Variants in FAM149B1 observed in about 807,000 individuals in gnomAD.
The protein encoded by FAM149B1 is family with sequence similarity 149 member B1, also known as primary cilium assembly protein FAM149B1.
A neutral mutation model predicts 75.3 loss-of-function variants in FAM149B1; 56 were observed. The observed-to-expected ratio is 0.74, with a 90% CI of 0.60 to 0.93. The LOEUF (loss-of-function observed/expected upper bound fraction) is 0.93, where lower values mean the gene tolerates loss of function less well. FAM149B1 is among the 40% of genes least tolerant of loss of function. The pLI is 0.00. For missense variants in FAM149B1, 639 were observed against 708.4 expected, an observed-to-expected ratio of 0.90 and a Z score of 1.11; for synonymous variants, 259 against 256.1, an observed-to-expected ratio of 1.01 and a Z score of -0.11.
chr10:73,202,294 T>TAGC (rs113036417), intron 5 of FAM149B1, among the ~76,000 whole-genome samples: 23,383 of 152,128 alleles, frequency 0.15, 2,931 homozygotes, highest in African/African-American at 0.32. Flanking sequence ...TTTCTTTTAA[T>TAGC]AGTTATAAAG....
chr10:73,227,572 C>T (rs561501443), intron 7 of FAM149B1, among the ~76,000 whole-genome samples: 1 of 152,242 alleles, frequency 6.6e-6, no homozygotes, highest in African/African-American at 2.4e-5. Flanking sequence ...TTTCTAATCT[C>T]ATAACTTTAC....
intron 12 of FAM149B1, among the ~76,000 whole-genome samples, chr10:73,236,580 A>G (rs562778743): frequency 1.3e-4 from 20 of 151,564 alleles, no homozygotes; most frequent in Non-Finnish European, 2.7e-4. Context: ...CGCCCAGCTA[A>G]TTTTTGTAAT....
At chr10:73,237,702 G>GT (rs1564718821) in intron 12 of FAM149B1, among the ~76,000 whole-genome samples, 3 of 152,096 alleles carry the variant, frequency 2.0e-5, no homozygotes, top group African/African-American at 7.2e-5. Context: ...GATTACAGGC[G>GT]TGAGCCACCG....
intron 3 of FAM149B1, among the ~76,000 whole-genome samples, chr10:73,182,755 G>T (rs1432679538): frequency 6.6e-6 from 1 of 152,200 alleles, no homozygotes; most frequent in African/African-American, 2.4e-5. Context: ...TCTGACTAAG[G>T]CCTCAGATAT....
Position 73,243,989 on chromosome 10 carries a change from T to C in FAM149B1, c.*2970T>C. ...CAGGAAATGCTTAAAATACATACTCTTTCCCAAAAGCAAATCTATAATTCT... is the reference window on the plus strand; with the variant it reads ...CAGGAAATGCTTAAAATACATACTCCTTCCCAAAAGCAAATCTATAATTCT... On this transcript the variant is annotated 3_prime_UTR_variant, in exon 14 of 14. Transcript: ENST00000242505. 1 of 1,384,018 alleles carries C rather than the reference T, an allele frequency of 7.2e-7. No homozygotes were observed. The highest frequency in any genetic ancestry group is 1.0e-6 in the Non-Finnish European group (1 of 987,902). 85.7% of individuals were successfully genotyped at this position (1,384,018 alleles called of 1,614,324 possible).
At position 73,233,141 on chromosome 10, in the gene FAM149B1, G is replaced by A. The variant is rs1441572599; in HGVS notation, c.1330G>A (p.Glu444Lys). The change falls in exon 10 of 14, where the codon GAA becomes AAA. Residue 444 changes from glutamate to lysine, a missense_variant. Coordinates refer to ENST00000242505, the MANE Select transcript of FAM149B1 (RefSeq NM_173348.2). Reference sequence around the variant, plus strand: ...TGCTGAAACACCAAGATCTGTGGAAGAAATCCTCAGAGGAGCCCGAGTGTA... The same window carrying A: ...TGCTGAAACACCAAGATCTGTGGAAAAAATCCTCAGAGGAGCCCGAGTGTA... ...SCAETPRSVEEILRGARVPVA... is the reference protein window; with the variant it reads ...SCAETPRSVEKILRGARVPVA... The A allele has an allele frequency of 1.9e-6, 3 of 1,551,510 alleles. No homozygotes were observed. Among genetic ancestry groups the A allele is most frequent in the Non-Finnish European group, 2.6e-6 (3 of 1,146,792 alleles).
chr10:73,224,043 T>C (rs2043477887), intron 7 of FAM149B1, among the ~76,000 whole-genome samples: 2 of 152,240 alleles, frequency 1.3e-5, no homozygotes, highest in Non-Finnish European at 1.5e-5. Flanking sequence ...TTTTATTGTA[T>C]TGTAACTGTA....
chr10:73,183,880 A>G (rs1028310314), intron 3 of FAM149B1, among the ~76,000 whole-genome samples: 1 of 152,226 alleles, frequency 6.6e-6, no homozygotes, highest in Admixed American at 6.5e-5. Context: ...GTGAACCTGG[A>G]GAGACCCTAT....
chr10:73,236,382 G>A (rs999186558), intron 12 of FAM149B1, among the ~76,000 whole-genome samples: 4 of 151,092 alleles, frequency 2.6e-5, no homozygotes, highest in Non-Finnish European at 5.9e-5. Flanking sequence ...GGTGTTCCTT[G>A]GCTTGCAGCT....
chr10:73,224,995 A>G (rs970314770), intron 7 of FAM149B1, among the ~76,000 whole-genome samples: 21 of 152,328 alleles, frequency 1.4e-4, no homozygotes, highest in African/African-American at 5.1e-4. Context: ...AAAAACTCCT[A>G]TCACCTAATG....
chr10:73,239,769 A>G (rs1204116623), intron 13 of FAM149B1, among the ~76,000 whole-genome samples: 2 of 152,014 alleles, frequency 1.3e-5, no homozygotes, highest in Non-Finnish European at 2.9e-5. Context: ...CCATATTCCT[A>G]TGGATTAAAC....
In FAM149B1 at chr10:73,217,624, T is replaced by C. The variant is rs182264363; in HGVS notation, c.898+7186T>C. The stretch of plus-strand genomic sequence containing the variant: ...TGTAGTATTTATGTCAGCTTTATTC[T>C]TCAAAGCCAGTAAGAAAGACTGAGA... On this transcript the variant is annotated intron_variant, in intron 7 of 13. Transcript: ENST00000242505. 1.9e-3 allele frequency among the ~76,000 whole-genome samples: 292 copies of C among 152,356 alleles called. 3 individuals carry two copies. The highest frequency in any genetic ancestry group is 6.6e-3 in the African/African-American group (275 of 41,592).
Position 73,242,203 on chromosome 10 carries a change from C to T in FAM149B1, c.*1184C>T, listed in dbSNP as rs777725997. On this transcript the variant is annotated 3_prime_UTR_variant, in exon 14 of 14. Transcript: ENST00000242505. ...CCTATTTGTAGTCACAAACCGAAAA[C>T]GTGTCGTCTTTACCTTAGAGCTAAA... 8.5e-5 allele frequency: 13 copies of T among 152,080 alleles called. No individual in the cohort carries two copies. The highest frequency in any genetic ancestry group is 1.3e-4 in the Admixed American group (2 of 15,276). 9.4% of individuals were successfully genotyped at this position (152,080 alleles called of 1,614,324 possible).
intron 3 of FAM149B1, among the ~76,000 whole-genome samples, chr10:73,187,710 CAA>C (rs1427678334): frequency 2.0e-5 from 3 of 151,644 alleles, no homozygotes; most frequent in African/African-American, 7.3e-5. Flanking sequence ...GCCTGGGCAA[CAA>C]GAGTGAAACT....
intron 12 of FAM149B1, among the ~76,000 whole-genome samples, chr10:73,237,690 G>A (rs1248232038): frequency 6.6e-6 from 1 of 152,102 alleles, no homozygotes; most frequent in East Asian, 1.9e-4. Context: ...CCAAAGTGCT[G>A]GGATTACAGG....
chr10:73,170,570 C>T (rs1029369898), intron 1 of FAM149B1, among the ~76,000 whole-genome samples: 2 of 152,020 alleles, frequency 1.3e-5, no homozygotes, highest in African/African-American at 2.4e-5. Context: ...CATATACATC[C>T]TCAATAAATG....
In FAM149B1 at chr10:73,243,745, AT is replaced by A; in HGVS notation, c.*2727del. On this transcript the variant is annotated 3_prime_UTR_variant, in exon 14 of 14. Transcript: ENST00000242505. ...AAGGACAAATAGAAGGTATGCGGTT[AT>A]GTCTTAAAAGAAGAAAACAAAATAC... 1 of 1,214,276 alleles carries A rather than the reference AT, an allele frequency of 8.2e-7. No homozygotes were observed. Among genetic ancestry groups the A allele is most frequent in the Non-Finnish European group, 1.2e-6 (1 of 848,554 alleles). 75.2% of individuals were successfully genotyped at this position (1,214,276 alleles called of 1,614,324 possible). A position where few individuals can be genotyped will look rare whatever the true frequency, so the allele number is the denominator to read the frequency against.
At chr10:73,235,127 G>T in intron 11 of FAM149B1, 66 bp from the exon 12 acceptor site, 2 of 1,515,644 alleles carry the variant, frequency 1.3e-6, no homozygotes, top group African/African-American at 1.4e-5. Context: ...TGGTCGATAG[G>T]GTTTTAACTA....
At chr10:73,227,656 C>T (rs144461250) in intron 7 of FAM149B1, among the ~76,000 whole-genome samples, 4 of 152,134 alleles carry the variant, frequency 2.6e-5, no homozygotes, top group Admixed American at 1.3e-4. Context: ...GCACCAGCCA[C>T]GTTTGGCCAT....
Sources: allele counts gnomAD v4.1 joint callset (sites outside exome capture counted in the v4.1 genomes callset), GRCh38; gene constraint gnomAD v4.1.1; transcripts MANE v1.5; gene names NCBI Gene and HGNC (gene_info 2026-07-23, HGNC 2026-07-21).